Variants in EPHX2 observed in about 807,000 individuals in gnomAD.
EPHX2 encodes the protein epoxide hydrolase 2.
A neutral mutation model predicts 78.7 loss-of-function variants in EPHX2; 74 were observed. The observed-to-expected ratio is 0.94, with a 90% CI of 0.78 to 1.14. The LOEUF is 1.14. Ranked by LOEUF, EPHX2 falls within the 50% of genes most tolerant of loss-of-function variation. EPHX2 has a pLI of 0.00. For synonymous variants in EPHX2, 251 were observed against 255.2 expected (o/e 0.98, Z 0.16); for missense variants, 715 against 702.5 (o/e 1.02, Z -0.20).
intron 6 of EPHX2, among the ~76,000 whole-genome samples, chr8:27,514,834 A>C (rs1814390897): frequency 6.6e-6 from 1 of 152,100 alleles, no homozygotes; most frequent in African/African-American, 2.4e-5. Context: ...GCTCTGCGAG[A>C]TGCTACCATG....
rs2132803754 is a variant in EPHX2, at chr8:27,541,511, G to C, written c.1418G>C (p.Trp473Ser). Residue 473 changes from tryptophan (W) to serine (S), a missense_variant, in exon 16 of 19, where the codon TGG (tryptophan) becomes TCG (serine). Trp to Ser is a radical substitution (Grantham distance 177, BLOSUM62 -3). Coordinates refer to ENST00000521400, the MANE Select transcript of EPHX2 (RefSeq NM_001979.6). ...TGGTACCGAAACATGGAAAGGAACT[G>C]GAAGTGGGCTTGCAAAAGCTTGGGA... ...LNWYRNMERN[W>S]KWACKSLGRK... 2 of 1,614,256 alleles carry C rather than the reference G, an allele frequency of 1.2e-6. No individual in the cohort carries two copies. The highest frequency in any genetic ancestry group is 4.5e-5 in the East Asian group (2 of 44,886).
chr8:27,543,658 C>T, intron 16 of EPHX2, 91 bp from the exon 17 acceptor site: 1 of 1,320,404 alleles, frequency 7.6e-7, no homozygotes, highest in Non-Finnish European at 1.1e-6. Flanking sequence ...GTCAGGACCA[C>T]AGCAGGGTGG....
At chr8:27,546,550 T>G (rs752424430), downstream of EPHX2, among the ~76,000 whole-genome samples, 89 of 152,218 alleles carry the variant, frequency 5.8e-4, 2 homozygotes, top group Non-Finnish European at 8.8e-5. Context: ...TAACTGGGTG[T>G]ATTCAAGCTC....
At chr8:27,517,369 CA>C in intron 8 of EPHX2, among the ~76,000 whole-genome samples, 2 of 152,152 alleles carry the variant, frequency 1.3e-5, no homozygotes, top group East Asian at 3.9e-4. Context: ...GCATTTTTTA[CA>C]AAAATAGAGA....
rs944955776 is a variant in EPHX2 at position 27,521,408 on chromosome 8, C to T, written c.972+499C>T. ...CTGCATGGTATAACAGCGTCCCCTT[C>T]CCCCAAGTGAGGTCAGAGGGGCAGA... On this transcript the variant is annotated intron_variant, in intron 10 of 18. Transcript: ENST00000521400. 1.3e-5 allele frequency among the ~76,000 whole-genome samples: 2 copies of T among 152,292 alleles called. 1 individual carries two copies. The highest frequency in any genetic ancestry group is 1.3e-4 in the Admixed American group (2 of 15,296).
intron 6 of EPHX2, among the ~76,000 whole-genome samples, chr8:27,514,389 T>A (rs1171924597): frequency 1.3e-5 from 2 of 152,198 alleles, no homozygotes; most frequent in African/African-American, 4.8e-5. Flanking sequence ...TTGTTCCACG[T>A]GAATTTCTAT....
At position 27,536,769 on chromosome 8, in the gene EPHX2, T is replaced by C; in HGVS notation, c.1171-15T>C. 1 of 1,613,822 alleles carries C rather than the reference T, an allele frequency of 6.2e-7. No homozygotes were observed. Among genetic ancestry groups the C allele is most frequent in the Non-Finnish European group, 8.5e-7 (1 of 1,179,908 alleles). On this transcript the variant is annotated splice_polypyrimidine_tract_variant and intron_variant, in intron 12 of 18. Coordinates refer to ENST00000521400, the MANE Select transcript of EPHX2 (RefSeq NM_001979.6). Reference sequence around the variant, plus strand: ...TTCTAGGGGGTCCTTCATTTTGCTTTCTTGATTGTTTTAGGGAGTGGCTGA... The same window carrying C: ...TTCTAGGGGGTCCTTCATTTTGCTTCCTTGATTGTTTTAGGGAGTGGCTGA...
chr8:27,543,648 G>A (rs566382524), intron 16 of EPHX2, 101 bp from the exon 17 acceptor site: 221 of 1,194,250 alleles, frequency 1.9e-4, no homozygotes, highest in Middle Eastern at 9.8e-4. Context: ...CAGATACAAC[G>A]TCAGGACCAC....
intron 2 of EPHX2, among the ~76,000 whole-genome samples, chr8:27,501,401 TTTCTTCTTTC>T (rs1563340535): frequency 9.7e-5 from 12 of 123,216 alleles, no homozygotes; most frequent in Non-Finnish European, 1.8e-4. Flanking sequence ...TTCTTTCTTC[TTTCTTCTTTC>T]TTCTTTTTCT....
At chr8:27,548,185 A>G (rs1322874699), downstream of EPHX2, among the ~76,000 whole-genome samples, 4 of 152,214 alleles carry the variant, frequency 2.6e-5, no homozygotes, top group African/African-American at 9.6e-5. Flanking sequence ...ACTAGACAGG[A>G]CAAAAAGCTA....
At position 27,491,143 on chromosome 8, in the gene EPHX2, G is replaced by A. The variant is rs1813354518; in HGVS notation, c.-66G>A. 2 of 1,473,520 alleles carry A rather than the reference G, an allele frequency of 1.4e-6. No individual in the cohort carries two copies. Among genetic ancestry groups the A allele is most frequent in the African/African-American group, 1.4e-5 (1 of 69,446 alleles). The allele number at this position is 1,473,520 out of a possible 1,614,324, so 91.3% of individuals were successfully genotyped here. ...CCGGGCCAAGCTGGGCGGGTCATGC[G>A]CCCTGGCCTTCGCGCATCTCCCAGG... On this transcript the variant is annotated 5_prime_UTR_variant, in exon 1 of 19. Transcript: ENST00000521400.
At chr8:27,511,690 G>A (rs1814254077) in intron 5 of EPHX2, 146 bp from the exon 6 acceptor site, 1 of 718,590 alleles carries the variant, frequency 1.4e-6, no homozygotes, top group Non-Finnish European at 2.4e-6. Flanking sequence ...GGCAGGAGAG[G>A]GAGATGGGCT....
chr8:27,538,589 T>C, intron 13 of EPHX2, 70 bp from the exon 14 acceptor site: 2 of 1,443,158 alleles, frequency 1.4e-6, no homozygotes, highest in Non-Finnish European at 1.9e-6. Context: ...GTAACAGGGT[T>C]TTCAGATGAG....
In EPHX2 at chr8:27,544,672, A is replaced by G; in HGVS notation, c.*150A>G. 2 of 727,590 alleles carry G rather than the reference A, an allele frequency of 2.7e-6. No individual in the cohort carries two copies. The highest frequency in any genetic ancestry group is 4.6e-6 in the Non-Finnish European group (2 of 437,568). The allele number at this position is 727,590 out of a possible 1,614,324, so 45.1% of individuals were successfully genotyped here. ...TGCAGAAAAAAAAGATTTTCTTTAC[A>G]TAAAGTGAATCAAATTTGACATTAT... On this transcript the variant is annotated 3_prime_UTR_variant, in exon 19 of 19. Coordinates refer to ENST00000521400, the MANE Select transcript of EPHX2 (RefSeq NM_001979.6).
chr8:27,524,377 C>G (rs997301164), intron 11 of EPHX2, among the ~76,000 whole-genome samples: 3 of 152,160 alleles, frequency 2.0e-5, no homozygotes, highest in Non-Finnish European at 2.9e-5. Context: ...ACCTCTCTCT[C>G]TGTGTCCATG....
At chr8:27,525,097 T>TGCGCGCGC (rs1423674316) in intron 11 of EPHX2, among the ~76,000 whole-genome samples, 1 of 136,972 alleles carries the variant, frequency 7.3e-6, no homozygotes, top group African/African-American at 3.2e-5. Context: ...TGTGTGTGTG[T>TGCGCGCGC]GTGTGTGTGT....
chr8:27,506,107 G>A (rs3779631), intron 4 of EPHX2, among the ~76,000 whole-genome samples: 7,069 of 152,158 alleles, frequency 0.046, 270 homozygotes, highest in Middle Eastern at 0.14. Flanking sequence ...TCCTGCCTCA[G>A]CCTCCCAAGT....
At chr8:27,539,640 T>C (rs4149255) in intron 14 of EPHX2, among the ~76,000 whole-genome samples, 48,097 of 152,130 alleles carry the variant, frequency 0.32, 11,681 homozygotes, top group African/African-American at 0.69. Flanking sequence ...GGTATGAAGC[T>C]GGGGCTGCAT....
downstream of EPHX2, among the ~76,000 whole-genome samples, chr8:27,547,451 C>T (rs936030401): frequency 1.3e-5 from 2 of 152,198 alleles, no homozygotes; most frequent in Admixed American, 1.3e-4. Flanking sequence ...AATTAACATA[C>T]TAGTACATAT....
Sources: gnomAD v4.1 joint callset for allele counts (sites outside exome capture counted in the v4.1 genomes callset) on GRCh38, gnomAD v4.1.1 for gene constraint, MANE v1.5 for transcripts, NCBI Gene and HGNC (gene_info 2026-07-23, HGNC 2026-07-21) for gene names.